GLRA2: variants seen among roughly 807,000 people sequenced by gnomAD.
The protein encoded by GLRA2 is glycine receptor subunit alpha-2.
A neutral mutation model predicts 31.6 loss-of-function variants in GLRA2; 11 were observed. That is an observed-to-expected ratio of 0.35 (90% confidence interval 0.22 to 0.58). The LOEUF (loss-of-function observed/expected upper bound fraction) is 0.58, where lower values mean the gene tolerates loss of function less well. Ranked by LOEUF, GLRA2 falls within the 20% of genes least tolerant of loss-of-function variation. GLRA2 has a pLI of 0.84. For synonymous variants in GLRA2, 132 were observed against 134.0 expected (o/e 0.99, Z 0.10); for missense variants, 212 against 351.8 (o/e 0.60, Z 3.18).
At chrX:14,668,618 T>C in intron 7 of GLRA2, among the ~76,000 whole-genome samples, 1 of 112,310 alleles carries the variant, frequency 8.9e-6, no homozygotes, top group Non-Finnish European at 1.9e-5. Context: ...TGGCAGAAGA[T>C]GAAAGGCACG....
At chrX:14,709,712 T>C (rs1339702264) in intron 8 of GLRA2, among the ~76,000 whole-genome samples, 2 of 111,880 alleles carry the variant, frequency 1.8e-5, no homozygotes, top group East Asian at 5.6e-4. Flanking sequence ...TCTGGTTCAC[T>C]CTGCTGCTTT....
chrX:14,683,365 G>C (rs1431709128), intron 7 of GLRA2, among the ~76,000 whole-genome samples: 5 of 111,894 alleles, frequency 4.5e-5, no homozygotes, highest in Non-Finnish European at 9.4e-5. Context: ...AGAAGTGTCT[G>C]TTCATGTCCT....
At chrX:14,610,297 T>C (rs1471175341) in intron 7 of GLRA2, among the ~76,000 whole-genome samples, 1 of 111,872 alleles carries the variant, frequency 8.9e-6, no homozygotes. Context: ...TAAGATGACA[T>C]ATGGAGGAGG....
intron 2 of GLRA2, among the ~76,000 whole-genome samples, chrX:14,543,174 T>C (rs1180506671): frequency 1.9e-5 from 2 of 102,990 alleles, no homozygotes; most frequent in African/African-American, 7.1e-5. Flanking sequence ...TTAACTCCAG[T>C]TTTGACAATT....
At chrX:14,556,345 G>A (rs1020288061) in intron 2 of GLRA2, among the ~76,000 whole-genome samples, 1 of 111,558 alleles carries the variant, frequency 9.0e-6, no homozygotes, top group African/African-American at 3.3e-5. Context: ...TAAAAGGAAA[G>A]GATATGTCAT....
intron 4 of GLRA2, among the ~76,000 whole-genome samples, chrX:14,588,335 C>T (rs1053889294): frequency 1.8e-5 from 2 of 111,821 alleles, no homozygotes; most frequent in East Asian, 2.8e-4. Flanking sequence ...CATTCCAGCA[C>T]CATTTTTTGG....
At chrX:14,614,364 T>C (rs1203566707) in intron 7 of GLRA2, among the ~76,000 whole-genome samples, 1 of 111,508 alleles carries the variant, frequency 9.0e-6, no homozygotes, top group African/African-American at 3.3e-5. Context: ...TCCAGATGAA[T>C]AATGTATTCT....
At chrX:14,547,844 TTC>T (rs754962269) in intron 2 of GLRA2, among the ~76,000 whole-genome samples, 25 of 111,894 alleles carry the variant, frequency 2.2e-4, no homozygotes, top group Admixed American at 2.2e-3. Context: ...GATTAGTTGC[TTC>T]TCTATTTCTT....
At chrX:14,649,663 C>T (rs2090868888) in intron 7 of GLRA2, among the ~76,000 whole-genome samples, 1 of 111,528 alleles carries the variant, frequency 9.0e-6, no homozygotes, top group Non-Finnish European at 1.9e-5. Context: ...ATTAAAATAA[C>T]TTTTAAAGTA....
chrX:14,730,065 T>C (rs2091973425), intron 8 of GLRA2, 142 bp from the exon 9 acceptor site: 1 of 501,934 alleles, frequency 2.0e-6, no homozygotes, highest in Non-Finnish European at 3.5e-6. Context: ...GAGTTGAACT[T>C]GAAAGAGAAC....
intron 4 of GLRA2, among the ~76,000 whole-genome samples, chrX:14,599,464 A>G (rs778807207): frequency 8.9e-6 from 1 of 112,662 alleles, no homozygotes; most frequent in South Asian, 3.6e-4. Flanking sequence ...AAGCCAGAGC[A>G]AAGGAGATAA....
At chrX:14,498,843 G>C in the GLRA2 span, among the ~76,000 whole-genome samples, 1 of 111,132 alleles carries the variant, frequency 9.0e-6, no homozygotes, top group Non-Finnish European at 1.9e-5. Flanking sequence ...AAGCTCCCAC[G>C]TGGGAAGGAG....
At chrX:14,550,959 T>C (rs1266836513) in intron 2 of GLRA2, among the ~76,000 whole-genome samples, 3 of 112,066 alleles carry the variant, frequency 2.7e-5, no homozygotes, top group African/African-American at 9.7e-5. Context: ...AACTCAGAAA[T>C]TGTTAATAAT....
chrX:14,607,277 C>CTTTT lies in GLRA2; in HGVS notation c.715+21_715+24dup. The CTTTT allele has an allele frequency of 2.2e-4, 215 of 979,751 alleles. No individual in the cohort carries two copies. The highest frequency in any genetic ancestry group is 2.8e-4 in the Admixed American group (9 of 31,703). 80.7% of individuals were successfully genotyped at this position (979,751 alleles called of 1,213,427 possible). A position where few individuals can be genotyped will look rare whatever the true frequency, so the allele number is the denominator to read the frequency against. ...AAAGCACTACAACACTGGTAAGTTT[C>CTTTT]TTTTTTTTTTTTTTTCAGCTGTTAA... On this transcript the variant is annotated intron_variant, in intron 6 of 8. Transcript: ENST00000218075.
intron 7 of GLRA2, among the ~76,000 whole-genome samples, chrX:14,683,429 T>C (rs761433283): frequency 1.3e-3 from 147 of 111,827 alleles, no homozygotes; most frequent in Non-Finnish European, 2.3e-3. Context: ...TTGAGTTCAT[T>C]GTAGATTCTG....
intron 3 of GLRA2, among the ~76,000 whole-genome samples, chrX:14,580,778 CAGAAAGGGATCAG>C (rs1469769677): frequency 8.9e-6 from 1 of 111,743 alleles, no homozygotes; most frequent in Non-Finnish European, 1.9e-5. Flanking sequence ...AGCATCTCAG[CAGAAAGGGATCAG>C]AGATCATGTG....
chrX:14,534,696 G>T lies in GLRA2; in HGVS notation c.202+2324G>T, dbSNP rs953236608. The stretch of plus-strand genomic sequence containing the variant: ...GAAAATAAGTGATCCTTTTCTCCAG[G>T]ATAAGGAAATTAGAACCAAGACAGA... On this transcript the variant is annotated intron_variant, in intron 2 of 8. Coordinates refer to ENST00000218075, the MANE Select transcript of GLRA2 (RefSeq NM_002063.4). 1.4e-4 allele frequency among the ~76,000 whole-genome samples: 15 copies of T among 108,418 alleles called. No homozygotes were observed. The South Asian group carries it at 2.4e-3, about 17-fold the overall frequency. 94.1% of individuals were successfully genotyped at this position (108,418 alleles called of 115,157 possible). A position where few individuals can be genotyped will look rare whatever the true frequency, so the allele number is the denominator to read the frequency against.
intron 4 of GLRA2, among the ~76,000 whole-genome samples, chrX:14,602,162 A>C (rs1466659781): frequency 9.0e-6 from 1 of 111,334 alleles, no homozygotes; most frequent in Non-Finnish European, 1.9e-5. Flanking sequence ...GAAAAATGGG[A>C]GAGCAAGAGG....
intron 2 of GLRA2, among the ~76,000 whole-genome samples, chrX:14,554,840 A>G (rs2089619765): frequency 8.9e-6 from 1 of 111,816 alleles, no homozygotes; most frequent in South Asian, 3.8e-4. Flanking sequence ...TTGAACCTCT[A>G]CAGGACAGAA....
Sources: gnomAD v4.1 joint callset for allele counts (sites outside exome capture counted in the v4.1 genomes callset) on GRCh38, gnomAD v4.1.1 for gene constraint, MANE v1.5 for transcripts, NCBI Gene and HGNC (gene_info 2026-07-23, HGNC 2026-07-21) for gene names.